ARRB2: variants seen among roughly 807,000 people sequenced by gnomAD.
ARRB2 encodes the protein arrestin beta 2.
In ARRB2, 21 loss-of-function variants were observed where a neutral mutation model predicts 53.4. The ratio of observed to expected loss-of-function variants is 0.39; its 90% CI spans 0.28 to 0.57. The LOEUF is 0.57. ARRB2 is among the 20% of genes least tolerant of loss of function. The pLI is 0.55. For synonymous variants in ARRB2, 180 were observed against 212.9 expected (o/e 0.85, Z 1.34); for missense variants, 369 against 527.5 (o/e 0.70, Z 2.94).
chr17:4,712,615 G>T (rs1186760333), intron 1 of ARRB2, among the ~76,000 whole-genome samples: 1 of 152,242 alleles, frequency 6.6e-6, no homozygotes, highest in African/African-American at 2.4e-5. Context: ...CACTGCTGAG[G>T]CAGAGTGGAT....
chr17:4,719,972 T>C (rs1026754087), intron 11 of ARRB2, among the ~76,000 whole-genome samples: 1 of 152,132 alleles, frequency 6.6e-6, no homozygotes, highest in Admixed American at 6.5e-5. Flanking sequence ...CAGGGGCTAA[T>C]GGAGAGCCAG....
intron 5 of ARRB2, 161 bp downstream of exon 5, chr17:4,716,769 TTATC>T (rs1357341978): frequency 1.6e-5 from 21 of 1,340,536 alleles, no homozygotes; most frequent in Non-Finnish European, 2.0e-5. Context: ...AAGCCCTTGA[TTATC>T]TGCCTCCTCT....
chr17:4,711,614 C>G (rs905550091), intron 1 of ARRB2, among the ~76,000 whole-genome samples: 9 of 152,160 alleles, frequency 5.9e-5, no homozygotes, highest in African/African-American at 2.2e-4. Context: ...ATCAACCCCA[C>G]TTCCAACCTA....
intron 5 of ARRB2, chr17:4,716,837 C>T (rs1366756695): frequency 5.1e-6 from 4 of 785,416 alleles, no homozygotes; most frequent in African/African-American, 1.7e-5. Context: ...TCTCCAGCCT[C>T]TTTTTTGTTG....
At chr17:4,712,984 ATTTAT>A (rs1425399682) in intron 1 of ARRB2, among the ~76,000 whole-genome samples, 2 of 152,074 alleles carry the variant, frequency 1.3e-5, no homozygotes, top group Non-Finnish European at 2.9e-5. Context: ...AATTTAATTA[ATTTAT>A]TTATTTATTT....
intron 11 of ARRB2, 121 bp from the exon 12 acceptor site, chr17:4,720,095 G>T: frequency 9.0e-6 from 9 of 999,132 alleles, no homozygotes; most frequent in Non-Finnish European, 1.2e-5. Flanking sequence ...GGCCTGGGCT[G>T]CTGGGGCCCT....
At chr17:4,710,981 C>T (rs1389574770) in intron 1 of ARRB2, among the ~76,000 whole-genome samples, 1 of 152,036 alleles carries the variant, frequency 6.6e-6, no homozygotes, top group Non-Finnish European at 1.5e-5. Flanking sequence ...TGTCGGGGTT[C>T]TCGCAGGGAT....
chr17:4,715,262 T>A, intron 2 of ARRB2: 1 of 581,826 alleles, frequency 1.7e-6, no homozygotes, highest in Non-Finnish European at 3.0e-6. Context: ...CAGGCTTGGG[T>A]CCCCAAGCAA....
At chr17:4,718,950 T>G (rs915649996) in intron 10 of ARRB2, among the ~76,000 whole-genome samples, 1 of 152,112 alleles carries the variant, frequency 6.6e-6, no homozygotes, top group Non-Finnish European at 1.5e-5. Flanking sequence ...CCCGGCTTAT[T>G]TTTAATAGAG....
chr17:4,716,181 G>A lies in ARRB2; in HGVS notation c.150G>A (p.Lys50=). The A allele has an allele frequency of 6.2e-7, 1 of 1,614,120 alleles. No homozygotes were observed. The highest frequency in any genetic ancestry group is 8.5e-7 in the Non-Finnish European group (1 of 1,180,020). ...GVVLVDPDYL[K]DRKVFVTLTC... ...TGCTTGTGGACCCTGACTACCTGAA[G>A]GACCGCAAAGGTACTGGCCCCAAGT... The change falls in exon 4 of 15, where the codon AAG becomes AAA. Residue 50 remains lysine (K), a synonymous_variant. Transcript: ENST00000269260.
chr17:4,718,652 G>C lies in ARRB2; in HGVS notation c.747G>C (p.Gln249His). The C allele has an allele frequency of 6.2e-7, 1 of 1,613,856 alleles. No homozygotes were observed. The highest frequency in any genetic ancestry group is 1.1e-5 in the South Asian group (1 of 91,092). ...YADICLFSTA[Q>H]YKCPVAQLEQ... ...ACATCTGCCTCTTCAGCACCGCCCA[G>C]TACAAGTGTCCTGTGGCTCAACTCG... Residue 249 changes from glutamine to histidine, a missense_variant, in exon 10 of 15, where the codon CAG becomes CAC. Transcript: ENST00000269260.
At chr17:4,716,668 G>C (rs755341248) in intron 5 of ARRB2, 60 bp downstream of exon 5, 19 of 1,534,312 alleles carry the variant, frequency 1.2e-5, no homozygotes, top group African/African-American at 5.5e-5. Context: ...TGTCTGGGGT[G>C]GGGGTAAGGC....
chr17:4,720,175 G>A (rs376736011), intron 11 of ARRB2, 41 bp from the exon 12 acceptor site: 2 of 1,577,434 alleles, frequency 1.3e-6, no homozygotes, highest in Middle Eastern at 1.7e-4. Flanking sequence ...CAGGTGACAG[G>A]GTGATAGGCC....
chr17:4,719,160 C>T (rs1036576650), intron 10 of ARRB2, 123 bp from the exon 11 acceptor site: 31 of 1,245,796 alleles, frequency 2.5e-5, no homozygotes, highest in Non-Finnish European at 3.4e-5. Flanking sequence ...AACCTACTCC[C>T]TTGTGACCTG....
intron 1 of ARRB2, among the ~76,000 whole-genome samples, chr17:4,713,862 G>C (rs1236806642): frequency 6.6e-6 from 1 of 151,436 alleles, no homozygotes; most frequent in African/African-American, 2.4e-5. Flanking sequence ...TACTCAGGAG[G>C]CTGAAGCAGG....
rs552729846 is a variant in ARRB2 at position 4,710,899 on chromosome 17, G to A, written c.23+155G>A. 1.9e-4 allele frequency among the ~76,000 whole-genome samples: 29 copies of A among 152,008 alleles called. No individual in the cohort carries two copies. In the East Asian group the frequency reaches 5.5e-3, roughly 29 times the overall value. ...GGGGCCGCACGCGCAGGTCCTCGAG[G>A]ATAATGAGGGTGGGGGGGAAATGCC... On this transcript the variant is annotated intron_variant, in intron 1 of 14. Coordinates refer to ENST00000269260, the MANE Select transcript of ARRB2 (RefSeq NM_004313.4).
At chr17:4,710,777 G>T in intron 1 of ARRB2, 33 bp downstream of exon 1, 1 of 398,698 alleles carries the variant, frequency 2.5e-6, no homozygotes, top group Non-Finnish European at 4.4e-6. Context: ...GCGGGGCATG[G>T]GCGGCGGCTC....
chr17:4,715,593 AC>A, intron 2 of ARRB2: 1 of 343,040 alleles, frequency 2.9e-6, no homozygotes, highest in Non-Finnish European at 5.5e-6. Context: ...ACACGGACAC[AC>A]ACAAACACAC....
chr17:4,716,109 G>C (rs1382026234), intron 3 of ARRB2, 38 bp from the exon 4 acceptor site: 1 of 1,614,176 alleles, frequency 6.2e-7, no homozygotes, highest in Non-Finnish European at 8.5e-7. Context: ...GCGGGGAGCG[G>C]CCCTTTCAGG....
Sources: gnomAD v4.1 joint callset for allele counts (sites outside exome capture counted in the v4.1 genomes callset) on GRCh38, gnomAD v4.1.1 for gene constraint, MANE v1.5 for transcripts, NCBI Gene and HGNC (gene_info 2026-07-23, HGNC 2026-07-21) for gene names.